The following BNC2 variants were observed in gnomAD, a reference collection of about 807,000 sequenced individuals.
BNC2 encodes zinc finger protein basonuclin-2.
BNC2 carries 20 observed loss-of-function variants against 76.3 expected under a neutral mutation model. The observed-to-expected ratio is 0.26, with a 90% CI of 0.18 to 0.38. The LOEUF (loss-of-function observed/expected upper bound fraction) is 0.38, where lower values mean the gene tolerates loss of function less well. Ranked by LOEUF, BNC2 falls within the 10% of genes least tolerant of loss-of-function variation. The pLI, the probability that BNC2 is intolerant of heterozygous loss-of-function variation, is 1.00. For missense variants in BNC2, 1,382 were observed against 1,399.8 expected, an observed-to-expected ratio of 0.99 and a Z score of 0.20; for synonymous variants, 582 against 514.8, an observed-to-expected ratio of 1.13 and a Z score of -1.77.
chr9:16,755,753 C>A (rs181992169), intron 1 of BNC2, among the ~76,000 whole-genome samples: 3 of 152,308 alleles, frequency 2.0e-5, no homozygotes, highest in Non-Finnish European at 4.4e-5. Flanking sequence ...CTCCTCAAAT[C>A]TGCTCCTCCT....
At chr9:16,464,729 G>A (rs1821667444) in intron 5 of BNC2, among the ~76,000 whole-genome samples, 1 of 152,008 alleles carries the variant, frequency 6.6e-6, no homozygotes, top group Non-Finnish European at 1.5e-5. Flanking sequence ...GCTAATTTTT[G>A]TATTTTAGCA....
At chr9:16,521,713 A>G (rs1289509667) in intron 5 of BNC2, among the ~76,000 whole-genome samples, 1 of 152,148 alleles carries the variant, frequency 6.6e-6, no homozygotes, top group Non-Finnish European at 1.5e-5. Context: ...GCTACTTCCT[A>G]CTAACAGTAG....
chr9:16,653,222 T>C (rs1821839397), intron 3 of BNC2, among the ~76,000 whole-genome samples: 1 of 152,108 alleles, frequency 6.6e-6, no homozygotes, highest in African/African-American at 2.4e-5. Context: ...ACTTTTAAAA[T>C]AACTGCAGAT....
Position 16,498,222 on chromosome 9 carries a change from CATATATATATATTCCATCAT to C in BNC2, c.669+54288_669+54307del, listed in dbSNP as rs1231078898. Among the ~76,000 whole-genome samples, 638 of 90,780 alleles carry C rather than the reference CATATATATATATTCCATCAT, an allele frequency of 7.0e-3. 4 individuals are homozygous for C. Among genetic ancestry groups the C allele is most frequent in the African/African-American group, 0.02 (541 of 26,440 alleles). The allele number at this position is 90,780 out of a possible 152,430, so 59.6% of individuals were successfully genotyped here. Reference sequence around the variant, plus strand: ...ATATTCCATCATATATATATTCCATCATATATATATATTCCATCATATATATATATATTCCATCATATATA... The same window carrying C: ...ATATTCCATCATATATATATTCCATCATATATATATATTCCATCATATATA... On this transcript the variant is annotated intron_variant, in intron 5 of 6. Transcript: ENST00000380672.
chr9:16,796,252 A>G (rs1817644223), intron 1 of BNC2, among the ~76,000 whole-genome samples: 1 of 152,238 alleles, frequency 6.6e-6, no homozygotes, highest in South Asian at 2.1e-4. Flanking sequence ...ATTTCTTTTC[A>G]ATTAATATAG....
At chr9:16,699,835 T>C (rs987005132) in intron 3 of BNC2, among the ~76,000 whole-genome samples, 1 of 152,194 alleles carries the variant, frequency 6.6e-6, no homozygotes, top group Non-Finnish European at 1.5e-5. Flanking sequence ...ACTATATTCA[T>C]GAAAGAGACA....
chr9:16,755,359 T>C (rs1825350966), intron 1 of BNC2, among the ~76,000 whole-genome samples: 1 of 152,070 alleles, frequency 6.6e-6, no homozygotes, highest in Non-Finnish European at 1.5e-5. Context: ...CCTCAGAACA[T>C]ACCCTATTAA....
At chr9:16,676,642 A>C (rs1822651227) in intron 3 of BNC2, among the ~76,000 whole-genome samples, 1 of 152,234 alleles carries the variant, frequency 6.6e-6, no homozygotes, top group Non-Finnish European at 1.5e-5. Flanking sequence ...TTAATCCACA[A>C]TGTATCTGAC....
At chr9:16,864,329 T>C (rs1489982616) in intron 1 of BNC2, among the ~76,000 whole-genome samples, 4 of 152,264 alleles carry the variant, frequency 2.6e-5, no homozygotes, top group South Asian at 2.1e-4. Flanking sequence ...TCCATTCATA[T>C]ATATGATTTA....
chr9:16,636,589 C>T (rs1352974590), intron 3 of BNC2, among the ~76,000 whole-genome samples: 4 of 152,042 alleles, frequency 2.6e-5, no homozygotes, highest in Non-Finnish European at 5.9e-5. Context: ...AGGTGTGAGC[C>T]GCCACACCCA....
chr9:16,646,894 A>C (rs1433476289), intron 3 of BNC2, among the ~76,000 whole-genome samples: 1 of 152,174 alleles, frequency 6.6e-6, no homozygotes, highest in African/African-American at 2.4e-5. Context: ...TCCATAGCTG[A>C]GTCCCCCGCA....
intron 3 of BNC2, among the ~76,000 whole-genome samples, chr9:16,711,605 T>A (rs576248622): frequency 6.6e-6 from 1 of 152,348 alleles, no homozygotes; most frequent in East Asian, 1.9e-4. Flanking sequence ...TTATTCCATG[T>A]CTGAGCTTAA....
chr9:16,816,294 T>C (rs560317680), intron 1 of BNC2, among the ~76,000 whole-genome samples: 67 of 152,312 alleles, frequency 4.4e-4, no homozygotes, highest in African/African-American at 1.6e-3. Context: ...TGATGAACCC[T>C]CTTTCCTGAT....
At chr9:16,734,983 A>C (rs1281127013) in intron 2 of BNC2, among the ~76,000 whole-genome samples, 1 of 152,280 alleles carries the variant, frequency 6.6e-6, no homozygotes, top group Non-Finnish European at 1.5e-5. Context: ...TAAAACAATC[A>C]ATGTAATACA....
At chr9:16,713,144 C>T (rs7029771) in intron 3 of BNC2, among the ~76,000 whole-genome samples, 10,369 of 152,136 alleles carry the variant, frequency 0.068, 994 homozygotes, top group African/African-American at 0.21. Context: ...TTACATGTTC[C>T]TTTTCTCCCC....
At chr9:16,864,098 A>G (rs958374124) in intron 1 of BNC2, among the ~76,000 whole-genome samples, 1 of 152,214 alleles carries the variant, frequency 6.6e-6, no homozygotes, top group Non-Finnish European at 1.5e-5. Context: ...TGATTTGAAA[A>G]TGACCACATT....
chr9:16,749,316 G>C (rs1002200084), intron 1 of BNC2, among the ~76,000 whole-genome samples: 5 of 152,072 alleles, frequency 3.3e-5, no homozygotes, highest in African/African-American at 1.2e-4. Context: ...AATATATCCA[G>C]GAACATACGT....
At chr9:16,773,602 T>C (rs1345146988) in intron 1 of BNC2, among the ~76,000 whole-genome samples, 3 of 151,776 alleles carry the variant, frequency 2.0e-5, no homozygotes, top group Admixed American at 2.0e-4. Flanking sequence ...AAATTCCAAC[T>C]CACATTGACA....
In BNC2 at chr9:16,418,896, C is replaced by G. The variant is rs1422545489; in HGVS notation, c.*93G>C. The G allele has an allele frequency of 3.6e-6, 5 of 1,402,190 alleles. No individual in the cohort carries two copies. The highest frequency in any genetic ancestry group is 5.1e-6 in the Non-Finnish European group (5 of 988,834). 86.9% of individuals were successfully genotyped at this position (1,402,190 alleles called of 1,614,324 possible). On this transcript the variant is annotated 3_prime_UTR_variant, in exon 7 of 7. Transcript: ENST00000380672. ...ATGCACACACACACACACACACACA[C>G]ACACCCCAAGTACATAAGCGCACAC...
Sources: allele counts gnomAD v4.1 joint callset (sites outside exome capture counted in the v4.1 genomes callset), GRCh38; gene constraint gnomAD v4.1.1; transcripts MANE v1.5; gene names NCBI Gene and HGNC (gene_info 2026-07-23, HGNC 2026-07-21).